CORIN: variants seen among roughly 807,000 people sequenced by gnomAD.
The protein encoded by CORIN is atrial natriuretic peptide-converting enzyme.
A neutral mutation model predicts 125.3 loss-of-function variants in CORIN; 117 were observed. The observed-to-expected ratio is 0.93, with a 90% CI of 0.80 to 1.09. CORIN has a LOEUF of 1.09. CORIN is among the 50% of genes least tolerant of loss of function. The probability of loss-of-function intolerance (pLI) is 0.00; values close to 1 mark genes in which losing one functional copy is unlikely to be tolerated. For synonymous variants in CORIN, 450 were observed against 466.4 expected, an observed-to-expected ratio of 0.96 and a Z score of 0.45; for missense variants, 1,253 against 1,306.7, an observed-to-expected ratio of 0.96 and a Z score of 0.63.
intron 5 of CORIN, among the ~76,000 whole-genome samples, chr4:47,722,397 G>A (rs913951698): frequency 5.3e-4 from 80 of 152,042 alleles, no homozygotes; most frequent in African/African-American, 1.8e-3. Context: ...CGCCCTTTTC[G>A]CAATGTTCCT....
chr4:47,755,619 T>C (rs1327303287), intron 4 of CORIN, among the ~76,000 whole-genome samples: 2 of 152,154 alleles, frequency 1.3e-5, no homozygotes, highest in East Asian at 1.9e-4. Flanking sequence ...GTCCAGGATT[T>C]TAACAGTGAT....
intron 19 of CORIN, among the ~76,000 whole-genome samples, chr4:47,617,076 A>C (rs531729123): frequency 2.2e-4 from 34 of 152,296 alleles, no homozygotes; most frequent in Non-Finnish European, 4.6e-4. Context: ...GATGGCATCT[A>C]TTTTATTCAT....
intron 1 of CORIN, among the ~76,000 whole-genome samples, chr4:47,828,858 G>T (rs1442926633): frequency 1.3e-5 from 2 of 151,446 alleles, no homozygotes; most frequent in Admixed American, 1.3e-4. Flanking sequence ...TTAAAGACTT[G>T]TTATGAAAAA....
intron 3 of CORIN, among the ~76,000 whole-genome samples, chr4:47,784,105 G>GGTATGCTACTACCTGTCTGGT (rs1730675551): frequency 1.3e-5 from 2 of 151,788 alleles, no homozygotes; most frequent in Admixed American, 6.6e-5. Flanking sequence ...TGAAAAATGG[G>GGTATGCTACTACCTGTCTGGT]GTATGCTACT....
chr4:47,790,247 A>T, intron 2 of CORIN: 1 of 981,048 alleles, frequency 1.0e-6, no homozygotes, highest in South Asian at 4.7e-5. Flanking sequence ...CTGTGGTGAG[A>T]CAGCCAAGTA....
intron 16 of CORIN, among the ~76,000 whole-genome samples, chr4:47,640,677 T>C (rs1263388427): frequency 2.0e-5 from 3 of 152,232 alleles, no homozygotes; most frequent in African/African-American, 4.8e-5. Flanking sequence ...AATCCCAATA[T>C]GCAAATATTT....
At position 47,755,728 on chromosome 4, in the gene CORIN, GA is replaced by G. The variant is rs201301735; in HGVS notation, c.617+7650del. Among the ~76,000 whole-genome samples the G allele has an allele frequency of 6.3e-3, 963 of 152,268 alleles. 17 individuals are homozygous for G. Among genetic ancestry groups the G allele is most frequent in the African/African-American group, 0.022 (931 of 41,554 alleles). ...TAAAAAGGGAAGCTCAGGAGCTTCA[GA>G]AGGAAGCTAAATTATCTCTGGAAAT... On this transcript the variant is annotated intron_variant, in intron 4 of 21. Coordinates refer to ENST00000273857, the MANE Select transcript of CORIN (RefSeq NM_006587.4).
intron 3 of CORIN, 75 bp downstream of exon 3, chr4:47,786,650 A>G: frequency 2.6e-6 from 3 of 1,135,408 alleles, no homozygotes; most frequent in South Asian, 1.4e-5. Flanking sequence ...GTGAACTAAA[A>G]GCATTGGTTG....
intron 16 of CORIN, among the ~76,000 whole-genome samples, chr4:47,638,817 A>G (rs947910982): frequency 5.3e-5 from 8 of 152,222 alleles, no homozygotes; most frequent in Non-Finnish European, 2.9e-5. Flanking sequence ...GAGCCATCAT[A>G]CTTCCAATCT....
At chr4:47,774,910 T>A (rs2109894265) in intron 3 of CORIN, among the ~76,000 whole-genome samples, 1 of 152,178 alleles carries the variant, frequency 6.6e-6, no homozygotes, top group Admixed American at 6.5e-5. Context: ...ATAGTCAAAC[T>A]CATAGAAGCA....
rs545489816 is a variant in CORIN at position 47,697,063 on chromosome 4, C to T, written c.800-3980G>A. Among the ~76,000 whole-genome samples, 21 of 152,290 alleles carry T rather than the reference C, an allele frequency of 1.4e-4. 1 individual carries two copies. In the South Asian group the frequency reaches 2.5e-3, roughly 18 times the overall value. The stretch of plus-strand genomic sequence containing the variant: ...TGGGCCCGTGCTGAGAGCCTGTCAG[C>T]GCTCCATTCTCCATGCTGCTCGAAA... On this transcript the variant is annotated intron_variant, in intron 5 of 21. Coordinates refer to ENST00000273857, the MANE Select transcript of CORIN (RefSeq NM_006587.4).
At chr4:47,817,854 CA>C (rs1490279310) in intron 1 of CORIN, among the ~76,000 whole-genome samples, 3 of 152,140 alleles carry the variant, frequency 2.0e-5, no homozygotes, top group Admixed American at 2.0e-4. Flanking sequence ...ATTTGTTAAA[CA>C]AATAATCTCT....
intron 2 of CORIN, among the ~76,000 whole-genome samples, chr4:47,794,105 T>G (rs1731191692): frequency 6.6e-6 from 1 of 152,218 alleles, no homozygotes; most frequent in Non-Finnish European, 1.5e-5. Context: ...TTAAGTAATG[T>G]GGAGTCAGGT....
chr4:47,621,026 T>A (rs1026152707), intron 19 of CORIN, among the ~76,000 whole-genome samples: 1 of 152,150 alleles, frequency 6.6e-6, no homozygotes, highest in African/African-American at 2.4e-5. Flanking sequence ...TGCCTCGAAT[T>A]TTTGCTATTA....
At chr4:47,776,555 C>T (rs1265165453) in intron 3 of CORIN, among the ~76,000 whole-genome samples, 2 of 152,226 alleles carry the variant, frequency 1.3e-5, no homozygotes, top group Non-Finnish European at 2.9e-5. Flanking sequence ...ATAAATCAGT[C>T]TCCTGAAATG....
chr4:47,631,546 C>T (rs1722806195), intron 16 of CORIN, among the ~76,000 whole-genome samples: 1 of 151,940 alleles, frequency 6.6e-6, no homozygotes. Flanking sequence ...GCTCAGGTTT[C>T]CCACTGATTC....
At chr4:47,616,897 T>C (rs553169009) in intron 19 of CORIN, among the ~76,000 whole-genome samples, 1 of 152,196 alleles carries the variant, frequency 6.6e-6, no homozygotes, top group Admixed American at 6.5e-5. Context: ...TGATGCAAAA[T>C]AAAAATGATA....
chr4:47,621,807 A>G (rs1356100031), intron 19 of CORIN, among the ~76,000 whole-genome samples: 1 of 151,550 alleles, frequency 6.6e-6, no homozygotes, highest in Admixed American at 6.6e-5. Flanking sequence ...AAAGCCGATG[A>G]CATTCCATGA....
chr4:47,689,018 T>C (rs10028293), intron 6 of CORIN, among the ~76,000 whole-genome samples: 34,375 of 152,114 alleles, frequency 0.23, 4,167 homozygotes, highest in Admixed American at 0.3. Flanking sequence ...CATTCTAAAA[T>C]AGCTTCACGT....
Sources: allele counts gnomAD v4.1 joint callset (sites outside exome capture counted in the v4.1 genomes callset), GRCh38; gene constraint gnomAD v4.1.1; transcripts MANE v1.5; gene names NCBI Gene and HGNC (gene_info 2026-07-23, HGNC 2026-07-21).